Variants in LAMA3 observed in about 807,000 individuals in gnomAD.
LAMA3 encodes the protein laminin subunit alpha 3, also known as laminin subunit alpha-3.
LAMA3 carries 281 observed loss-of-function variants against 402.0 expected under a neutral mutation model. That is an observed-to-expected ratio of 0.70 (90% CI 0.63 to 0.77). The LOEUF is 0.77. Ranked by LOEUF, LAMA3 falls within the 30% of genes least tolerant of loss-of-function variation. LAMA3 has a pLI of 0.00. For missense variants in LAMA3, 3,840 were observed against 4,215.5 expected, an observed-to-expected ratio of 0.91 and a Z score of 2.47; for synonymous variants, 1,431 against 1,558.4, an observed-to-expected ratio of 0.92 and a Z score of 1.93.
intron 15 of LAMA3, 60 bp from the exon 16 acceptor site, chr18:23,815,128 A>C (rs1301785283): frequency 3.4e-6 from 5 of 1,475,632 alleles, no homozygotes; most frequent in Non-Finnish European, 4.7e-6. Flanking sequence ...TAATGTTCCC[A>C]GAGCCAGGAA....
rs760577120 is a variant in LAMA3, at chr18:23,928,759, G to C, written c.8430G>C (p.Gln2810His). The change falls in exon 64 of 75, where the codon CAG (glutamine) becomes CAC (histidine). Residue 2810 changes from glutamine (Q) to histidine (H), a missense_variant. Gln to His is a conservative substitution (Grantham distance 24). This residue lies in a region of LAMA3 where 840 missense variants were observed against 981.9 expected (regional missense o/e 0.86). Transcript: ENST00000313654. Reference sequence around the variant, plus strand: ...CCAGTGGCATATTATTAGATCATCAGACATGGGTATGCAGTAGTGCATTAA... The same window carrying C: ...CCAGTGGCATATTATTAGATCATCACACATGGGTATGCAGTAGTGCATTAA... ...FQPSGILLDH[Q>H]TWTRNLQVTL... 1.2e-6 allele frequency: 2 copies of C among 1,613,858 alleles called. No individual in the cohort carries two copies. The highest frequency in any genetic ancestry group is 1.7e-6 in the Non-Finnish European group (2 of 1,179,724).
At chr18:23,692,459 A>G (rs1232209519) in intron 1 of LAMA3, among the ~76,000 whole-genome samples, 1 of 152,036 alleles carries the variant, frequency 6.6e-6, no homozygotes, top group Non-Finnish European at 1.5e-5. Flanking sequence ...TTTAGTAGAG[A>G]CGGGGTTTCA....
intron 2 of LAMA3, among the ~76,000 whole-genome samples, chr18:23,738,394 T>C (rs2061511857): frequency 6.6e-6 from 1 of 152,060 alleles, no homozygotes; most frequent in South Asian, 2.1e-4. Flanking sequence ...AAGGAGCGGA[T>C]GTGCAGATGC....
At chr18:23,737,753 C>G (rs543729730) in intron 2 of LAMA3, among the ~76,000 whole-genome samples, 13 of 152,326 alleles carry the variant, frequency 8.5e-5, no homozygotes, top group African/African-American at 2.6e-4. Flanking sequence ...AGGTGAGAAG[C>G]GAGCCAGAAG....
At chr18:23,895,163 G>A in intron 44 of LAMA3, 105 bp downstream of exon 44, 1 of 1,306,006 alleles carries the variant, frequency 7.7e-7, no homozygotes, top group Non-Finnish European at 1.1e-6. Flanking sequence ...AGGCTCAGGG[G>A]TTGTCCTCCT....
intron 35 of LAMA3, among the ~76,000 whole-genome samples, chr18:23,863,021 AAG>A (rs141141703): frequency 2.0e-4 from 29 of 142,916 alleles, no homozygotes; most frequent in South Asian, 4.5e-4. Flanking sequence ...GAGAGAGAGA[AAG>A]AGAGAGAGAG....
At chr18:23,691,149 A>G (rs1568079437) in intron 1 of LAMA3, among the ~76,000 whole-genome samples, 1 of 152,062 alleles carries the variant, frequency 6.6e-6, no homozygotes, top group Non-Finnish European at 1.5e-5. Context: ...TAAAAGAGCA[A>G]GGTTATCATT....
intron 2 of LAMA3, among the ~76,000 whole-genome samples, chr18:23,737,927 G>A (rs1025410858): frequency 6.6e-6 from 1 of 152,248 alleles, no homozygotes; most frequent in African/African-American, 2.4e-5. Context: ...AGCTTAAGTA[G>A]GAGTTATCAG....
chr18:23,943,239 C>G (rs979805805), intron 68 of LAMA3, among the ~76,000 whole-genome samples: 19 of 152,154 alleles, frequency 1.2e-4, no homozygotes, highest in African/African-American at 4.3e-4. Context: ...CTCAAGTAGT[C>G]GTGTTCATCG....
intron 72 of LAMA3, among the ~76,000 whole-genome samples, 165 bp downstream of exon 72, chr18:23,950,324 A>G (rs1214383802): frequency 6.6e-6 from 1 of 152,188 alleles, no homozygotes; most frequent in Non-Finnish European, 1.5e-5. Flanking sequence ...TAATTTTATC[A>G]TCATGTTTTC....
At chr18:23,756,905 C>G (rs1389679368) in intron 6 of LAMA3, among the ~76,000 whole-genome samples, 1 of 150,530 alleles carries the variant, frequency 6.6e-6, no homozygotes, top group African/African-American at 2.4e-5. Context: ...CTCCAAGCCT[C>G]CCCGCTCCCC....
At chr18:23,925,712 A>T (rs1453558993) in intron 62 of LAMA3, among the ~76,000 whole-genome samples, 2 of 152,172 alleles carry the variant, frequency 1.3e-5, no homozygotes, top group Non-Finnish European at 2.9e-5. Context: ...GTATGTTCAG[A>T]CCCTGTATCC....
intron 60 of LAMA3, among the ~76,000 whole-genome samples, chr18:23,919,540 G>A (rs759953063): frequency 1.3e-5 from 2 of 152,184 alleles, no homozygotes; most frequent in Non-Finnish European, 2.9e-5. Flanking sequence ...AAAGTTTGGG[G>A]GTGAAATGAG....
At chr18:23,811,041 G>A (rs2063059503) in intron 13 of LAMA3, among the ~76,000 whole-genome samples, 1 of 152,182 alleles carries the variant, frequency 6.6e-6, no homozygotes, top group Admixed American at 6.5e-5. Context: ...TGTTGGGGAA[G>A]GCGGGTGGGA....
rs2061709035 is a variant in LAMA3 at position 23,749,556 on chromosome 18, T to C, written c.684+10T>C. ...TTTGGAAAATGGTGAGGTAAGTAGA[T>C]TTGGAAGACTGGGAGAGATAAGACT... On this transcript the variant is annotated intron_variant, in intron 4 of 74. Transcript: ENST00000313654. 6.9e-7 allele frequency: 1 copy of C among 1,443,218 alleles called. No homozygotes were observed. The highest frequency in any genetic ancestry group is 2.3e-5 in the East Asian group (1 of 44,110). The allele number at this position is 1,443,218 out of a possible 1,614,324, so 89.4% of individuals were successfully genotyped here. A position where few individuals can be genotyped will look rare whatever the true frequency, so the allele number is the denominator to read the frequency against.
intron 67 of LAMA3, among the ~76,000 whole-genome samples, chr18:23,937,371 CAAAAAAAAAA>C (rs58274189): frequency 3.2e-5 from 3 of 92,882 alleles, no homozygotes; most frequent in Admixed American, 1.2e-4. Flanking sequence ...TTCTCAAAAG[CAAAAAAAAAA>C]AAAAAAAAAA....
At chr18:23,820,789 C>T (rs1235424677) in intron 19 of LAMA3, among the ~76,000 whole-genome samples, 9 of 152,042 alleles carry the variant, frequency 5.9e-5, no homozygotes, top group Admixed American at 5.9e-4. Context: ...TTTTCATTAG[C>T]GCATCCAAGA....
chr18:23,765,953 G>T (rs1247784901), intron 8 of LAMA3, among the ~76,000 whole-genome samples: 1 of 152,052 alleles, frequency 6.6e-6, no homozygotes, highest in African/African-American at 2.4e-5. Context: ...AATGAACAGA[G>T]ATTTGGGAAC....
chr18:23,908,269 G>A (rs1413248466), intron 54 of LAMA3, among the ~76,000 whole-genome samples: 1 of 148,610 alleles, frequency 6.7e-6, no homozygotes, highest in East Asian at 1.9e-4. Flanking sequence ...TGTGGCTCAT[G>A]CCTGTAATCC....
Sources: gnomAD v4.1 joint callset for allele counts (sites outside exome capture counted in the v4.1 genomes callset) on GRCh38, gnomAD v4.1.1 for gene constraint, gnomAD v4.1.1 regional missense constraint, MANE v1.5 for transcripts, NCBI Gene and HGNC (gene_info 2026-07-23, HGNC 2026-07-21) for gene names.